FAAH2: variants seen among roughly 807,000 people sequenced by gnomAD.
FAAH2 encodes fatty-acid amide hydrolase 2.
FAAH2 carries 60 observed loss-of-function variants against 36.9 expected under a neutral mutation model. The ratio of observed to expected loss-of-function variants is 1.63; its 90% confidence interval spans 1.32 to 2.02. The LOEUF is 2.02. Among genes scored for constraint, FAAH2 ranks in the 30% most tolerant of loss-of-function variants. FAAH2 has a pLI of 0.00. For missense variants in FAAH2, 689 were observed against 397.5 expected (o/e 1.73, Z -6.23); for synonymous variants, 214 against 143.8 (o/e 1.49, Z -3.49).
intron 10 of FAAH2, among the ~76,000 whole-genome samples, chrX:57,478,054 G>A (rs34565011): frequency 0.15 from 16,615 of 111,444 alleles, 1,293 homozygotes; most frequent in Non-Finnish European, 0.24. Context: ...GATCCATGAG[G>A]AATCACCACA....
chrX:57,449,637 TCTTCCTTCCTGTCCTTCCTTC>T (rs2056747412), intron 10 of FAAH2, among the ~76,000 whole-genome samples: 1 of 111,380 alleles, frequency 9.0e-6, no homozygotes, highest in Non-Finnish European at 1.9e-5. Flanking sequence ...ACTCTTAATT[TCTTCCTTCCTGTCCTTCCTTC>T]CTTCCTTCCT....
At chrX:57,194,186 A>G in the FAAH2 span, among the ~76,000 whole-genome samples, 34 of 111,432 alleles carry the variant, frequency 3.1e-4, no homozygotes, top group African/African-American at 1.1e-3. Flanking sequence ...CTTTTTATTA[A>G]GGCTTTGATC....
the FAAH2 span, among the ~76,000 whole-genome samples, chrX:57,216,530 A>G: frequency 9.5e-5 from 7 of 73,812 alleles, no homozygotes; most frequent in African/African-American, 1.8e-4. Flanking sequence ...GTATATGTAT[A>G]TATATATATA....
At chrX:57,306,245 G>A (rs2052519968) in intron 2 of FAAH2, among the ~76,000 whole-genome samples, 1 of 111,446 alleles carries the variant, frequency 9.0e-6, no homozygotes, top group Non-Finnish European at 1.9e-5. Context: ...TATCTGCAAG[G>A]CCCCCAGAAT....
chrX:57,394,528 C>A, intron 7 of FAAH2: 1 of 1,208,238 alleles, frequency 8.3e-7, no homozygotes, highest in Non-Finnish European at 1.1e-6. Flanking sequence ...GGTTGTTATA[C>A]TGAATCATCC....
At position 57,380,932 on chromosome X, in the gene FAAH2, T is replaced by C. The variant is rs568606647; in HGVS notation, c.899T>C (p.Val300Ala). ...GIKRLKLDTK[V>A]HLKDLKFYWM... ...CACAGGTTAAAACTAGACACAAAGG[T>C]ACATTTAAAAGACTTAAAATTTTAC... The change falls in exon 7 of 11, where the codon GTA becomes GCA. Residue 300 changes from valine to alanine, a missense_variant. Val to Ala is a moderately conservative substitution (Grantham distance 64). Coordinates refer to ENST00000374900, the MANE Select transcript of FAAH2 (RefSeq NM_174912.4). The C allele has an allele frequency of 6.7e-6, 8 of 1,187,024 alleles. No individual in the cohort carries two copies. The highest frequency in any genetic ancestry group is 2.3e-4 in the Middle Eastern group (1 of 4,268).
chrX:57,349,978 G>C (rs914256009), intron 5 of FAAH2, among the ~76,000 whole-genome samples: 1 of 110,591 alleles, frequency 9.0e-6, no homozygotes, highest in African/African-American at 3.3e-5. Flanking sequence ...TAAAGTCAGT[G>C]TGAACAATGA....
At chrX:57,209,825 C>T in the FAAH2 span, among the ~76,000 whole-genome samples, 1 of 111,331 alleles carries the variant, frequency 9.0e-6, no homozygotes, top group Non-Finnish European at 1.9e-5. Context: ...GCACTTTAGT[C>T]TGAAACAGTC....
chrX:57,288,334 A>ATTTTTTTTTTTTTT, intron 1 of FAAH2, among the ~76,000 whole-genome samples: 1 of 61,176 alleles, frequency 1.6e-5, no homozygotes, highest in African/African-American at 7.9e-5. Context: ...TCTTAAAAAC[A>ATTTTTTTTTTTTTT]TTTCTTTTTT....
intron 5 of FAAH2, 31 bp from the exon 6 acceptor site, chrX:57,378,620 G>A: frequency 8.3e-7 from 1 of 1,207,151 alleles, no homozygotes; most frequent in Non-Finnish European, 1.1e-6. Flanking sequence ...GTCTTATTTT[G>A]GGCGGCTAAC....
At chrX:57,254,838 G>T in the FAAH2 span, among the ~76,000 whole-genome samples, 17 of 111,349 alleles carry the variant, frequency 1.5e-4, no homozygotes, top group African/African-American at 5.5e-4. Context: ...ATCTAAAATT[G>T]ACACCCTAAC....
intron 7 of FAAH2, among the ~76,000 whole-genome samples, chrX:57,385,477 G>C (rs1030811062): frequency 1.1e-4 from 12 of 111,246 alleles, no homozygotes; most frequent in African/African-American, 3.9e-4. Context: ...TCAGTGTCTG[G>C]TGAGGGCCAT....
chrX:57,289,542 C>T lies in FAAH2; in HGVS notation c.192+2525C>T, dbSNP rs1013109835. 2.7e-5 allele frequency among the ~76,000 whole-genome samples: 3 copies of T among 110,894 alleles called. No homozygotes were observed. In the East Asian group the frequency reaches 8.5e-4, roughly 31 times the overall value. The stretch of plus-strand genomic sequence containing the variant: ...CGTAAGTCCCACCCTTTATTCATCT[C>T]CTTTGTTAGGAGACAAGGGTGGAAA... On this transcript the variant is annotated intron_variant, in intron 1 of 10. Coordinates refer to ENST00000374900, the MANE Select transcript of FAAH2 (RefSeq NM_174912.4).
intron 8 of FAAH2, among the ~76,000 whole-genome samples, chrX:57,444,209 G>A (rs1175676603): frequency 8.9e-6 from 1 of 112,512 alleles, no homozygotes; most frequent in Non-Finnish European, 1.9e-5. Flanking sequence ...CCCCAGAGGT[G>A]GAGTCTACAG....
the FAAH2 span, among the ~76,000 whole-genome samples, chrX:57,245,447 C>A: frequency 2.7e-5 from 3 of 111,872 alleles, no homozygotes; most frequent in African/African-American, 9.7e-5. Flanking sequence ...CACCACATCA[C>A]ACTTATTCTA....
chrX:57,215,163 C>A, the FAAH2 span, among the ~76,000 whole-genome samples: 10 of 100,598 alleles, frequency 9.9e-5, no homozygotes, highest in Non-Finnish European at 2.0e-4. Flanking sequence ...AGAACATAAA[C>A]AGGCACTTCC....
At chrX:57,445,461 C>T (rs181130683) in intron 8 of FAAH2, among the ~76,000 whole-genome samples, 63 of 111,362 alleles carry the variant, frequency 5.7e-4, no homozygotes, top group Non-Finnish European at 1.0e-3. Flanking sequence ...TAGCACAGTA[C>T]GGGGTCTCAT....
At chrX:57,468,142 G>A (rs2057086383) in intron 10 of FAAH2, among the ~76,000 whole-genome samples, 1 of 111,138 alleles carries the variant, frequency 9.0e-6, no homozygotes, top group African/African-American at 3.3e-5. Flanking sequence ...CCACAAAGAT[G>A]GTGAAAAAAC....
At chrX:57,488,706 G>A (rs771208833) in intron 10 of FAAH2, 51 bp from the exon 11 acceptor site, 3 of 1,130,152 alleles carry the variant, frequency 2.7e-6, no homozygotes, top group Admixed American at 2.6e-5. Flanking sequence ...GAAAAAATAC[G>A]TTTTCAGGAA....
Sources: gnomAD v4.1 joint callset for allele counts (sites outside exome capture counted in the v4.1 genomes callset) on GRCh38, gnomAD v4.1.1 for gene constraint, MANE v1.5 for transcripts, NCBI Gene and HGNC (gene_info 2026-07-23, HGNC 2026-07-21) for gene names.